The following GABRB1 variants were observed in gnomAD, a reference collection of about 807,000 sequenced individuals.
GABRB1 encodes gamma-aminobutyric acid type A receptor subunit beta1.
In GABRB1, 17 loss-of-function variants were observed where a neutral mutation model predicts 51.6. That is an observed-to-expected ratio of 0.33 (90% CI 0.23 to 0.49). The LOEUF is 0.49. Ranked by LOEUF, GABRB1 falls within the 20% of genes least tolerant of loss-of-function variation. The pLI is 0.99. For missense variants in GABRB1, 410 were observed against 600.6 expected, an observed-to-expected ratio of 0.68 and a Z score of 3.32; for synonymous variants, 247 against 218.9, an observed-to-expected ratio of 1.13 and a Z score of -1.14.
upstream of GABRB1, among the ~76,000 whole-genome samples, chr4:47,026,970 G>A (rs1725113869): frequency 6.6e-6 from 1 of 151,728 alleles, no homozygotes; most frequent in South Asian, 2.1e-4. Flanking sequence ...GTGTTTAAGT[G>A]TCTTCATCTT....
intron 8 of GABRB1, among the ~76,000 whole-genome samples, chr4:47,413,181 T>C (rs1387974683): frequency 6.6e-6 from 1 of 152,258 alleles, no homozygotes; most frequent in African/African-American, 2.4e-5. Context: ...GGGCTGCTTT[T>C]TGTTAAAACA....
chr4:47,006,356 G>C (rs1242495510), intron 1 of GABRB1, among the ~76,000 whole-genome samples: 1 of 151,980 alleles, frequency 6.6e-6, no homozygotes, highest in Admixed American at 6.6e-5. Flanking sequence ...ATAATACAGA[G>C]TGCATATTCC....
At chr4:47,135,197 TA>T (rs1199011544) in intron 3 of GABRB1, among the ~76,000 whole-genome samples, 1 of 152,214 alleles carries the variant, frequency 6.6e-6, no homozygotes, top group Non-Finnish European at 1.5e-5. Context: ...ATGACTTGGA[TA>T]TTTTTTAATG....
intron 3 of GABRB1, among the ~76,000 whole-genome samples, chr4:47,035,926 T>C (rs2109477479): frequency 6.6e-6 from 1 of 152,302 alleles, no homozygotes; most frequent in South Asian, 2.1e-4. Flanking sequence ...TGGATCCTGA[T>C]TACCAAGTAG....
chr4:47,286,599 A>T (rs202022798), intron 4 of GABRB1, among the ~76,000 whole-genome samples: 4 of 149,008 alleles, frequency 2.7e-5, no homozygotes, highest in Non-Finnish European at 5.9e-5. Context: ...CAAGAAAAAA[A>T]TAAAAAACTG....
At chr4:47,225,730 G>A (rs750992413) in intron 4 of GABRB1, among the ~76,000 whole-genome samples, 11 of 152,054 alleles carry the variant, frequency 7.2e-5, no homozygotes, top group Non-Finnish European at 1.3e-4. Context: ...CATTTATATG[G>A]CTATCATTGC....
At chr4:47,245,150 A>G (rs1465766452) in intron 4 of GABRB1, among the ~76,000 whole-genome samples, 1 of 152,202 alleles carries the variant, frequency 6.6e-6, no homozygotes, top group Admixed American at 6.5e-5. Flanking sequence ...GCAATAAAAA[A>G]TGATAAAGGG....
At chr4:47,073,401 A>G (rs1209348730) in intron 3 of GABRB1, among the ~76,000 whole-genome samples, 1 of 152,208 alleles carries the variant, frequency 6.6e-6, no homozygotes, top group Non-Finnish European at 1.5e-5. Flanking sequence ...ATCATCTTTA[A>G]TAAGCATCCT....
chr4:47,387,955 G>A (rs150055351), intron 5 of GABRB1, among the ~76,000 whole-genome samples: 4 of 152,276 alleles, frequency 2.6e-5, no homozygotes, highest in South Asian at 4.1e-4. Context: ...TTTAAGAGGA[G>A]TTGGACATAT....
intron 5 of GABRB1, among the ~76,000 whole-genome samples, chr4:47,328,468 G>A (rs1431004906): frequency 3.9e-5 from 6 of 152,084 alleles, no homozygotes; most frequent in South Asian, 4.1e-4. Context: ...ACATGCACAC[G>A]CATGTTTATT....
chr4:47,348,293 T>C (rs1165214355), intron 5 of GABRB1, among the ~76,000 whole-genome samples: 1 of 152,118 alleles, frequency 6.6e-6, no homozygotes, highest in African/African-American at 2.4e-5. Flanking sequence ...TGTGAATAAA[T>C]ATAAGAAAAT....
chr4:47,201,299 A>G (rs534725308), intron 4 of GABRB1, among the ~76,000 whole-genome samples: 25 of 152,266 alleles, frequency 1.6e-4, no homozygotes, highest in African/African-American at 3.8e-4. Context: ...ACTATCTACA[A>G]AAGAAAAAAG....
At chr4:47,132,998 G>C (rs1716490372) in intron 3 of GABRB1, among the ~76,000 whole-genome samples, 1 of 152,116 alleles carries the variant, frequency 6.6e-6, no homozygotes, top group African/African-American at 2.4e-5. Flanking sequence ...AAACAAAACT[G>C]TCTCTTTTCT....
chr4:47,081,937 A>G (rs1727865058), intron 3 of GABRB1, among the ~76,000 whole-genome samples: 1 of 152,102 alleles, frequency 6.6e-6, no homozygotes, highest in Non-Finnish European at 1.5e-5. Flanking sequence ...TTCTTTCATA[A>G]AACAGAGATG....
intron 4 of GABRB1, among the ~76,000 whole-genome samples, chr4:47,197,697 G>T (rs888563220): frequency 1.3e-5 from 2 of 152,124 alleles, no homozygotes; most frequent in Admixed American, 1.3e-4. Context: ...TTACTTCATT[G>T]TTTCTAAGCG....
intron 3 of GABRB1, among the ~76,000 whole-genome samples, chr4:47,098,224 CTT>C (rs1281723484): frequency 7.9e-5 from 12 of 151,706 alleles, no homozygotes; most frequent in Non-Finnish European, 1.6e-4. Context: ...TTCCTTCTCT[CTT>C]TATTTTCATT....
At chr4:47,236,397 T>G in intron 4 of GABRB1, among the ~76,000 whole-genome samples, 1 of 152,120 alleles carries the variant, frequency 6.6e-6, no homozygotes, top group East Asian at 1.9e-4. Flanking sequence ...ATTTAATTAA[T>G]TCTATATTGA....
intron 3 of GABRB1, among the ~76,000 whole-genome samples, chr4:47,089,954 G>A (rs927197996): frequency 2.0e-5 from 3 of 151,964 alleles, no homozygotes; most frequent in Non-Finnish European, 2.9e-5. Context: ...ACAAATTTAG[G>A]GCAGAAATTA....
At chr4:47,324,679 A>G (rs1293697527) in intron 5 of GABRB1, among the ~76,000 whole-genome samples, 1 of 152,168 alleles carries the variant, frequency 6.6e-6, no homozygotes, top group African/African-American at 2.4e-5. Context: ...TCTCAGATTT[A>G]TATCTCCAAC....
Sources: gnomAD v4.1 joint callset for allele counts (sites outside exome capture counted in the v4.1 genomes callset) on GRCh38, gnomAD v4.1.1 for gene constraint, MANE v1.5 for transcripts, NCBI Gene and HGNC (gene_info 2026-07-23, HGNC 2026-07-21) for gene names.